Variants in USPL1 observed in about 807,000 individuals in gnomAD.
USPL1 encodes SUMO-specific isopeptidase USPL1.
In USPL1, 27 loss-of-function variants were observed where a neutral mutation model predicts 51.5. That is an observed-to-expected ratio of 0.52 (90% CI 0.39 to 0.72). The LOEUF (loss-of-function observed/expected upper bound fraction) is 0.72, where lower values mean the gene tolerates loss of function less well. USPL1 is among the 30% of genes least tolerant of loss of function. The pLI is 0.00. For synonymous variants in USPL1, 451 were observed against 459.6 expected, an observed-to-expected ratio of 0.98 and a Z score of 0.24; for missense variants, 1,226 against 1,268.0, an observed-to-expected ratio of 0.97 and a Z score of 0.50.
intron 3 of USPL1, 113 bp downstream of exon 3, chr13:30,622,005 A>G (rs1031128605): frequency 1.3e-5 from 9 of 695,376 alleles, no homozygotes; most frequent in African/African-American, 1.1e-4. Flanking sequence ...GATTTTTAAT[A>G]TGTAATCTCA....
intron 5 of USPL1, among the ~76,000 whole-genome samples, chr13:30,638,160 C>T (rs1381743220): frequency 6.6e-6 from 1 of 152,196 alleles, no homozygotes; most frequent in Non-Finnish European, 1.5e-5. Context: ...ACAGATCTAG[C>T]ATTTTTAACC....
In USPL1 at chr13:30,660,563, G is replaced by C. The variant is rs1346492525; in HGVS notation, c.*1207G>C. On this transcript the variant is annotated 3_prime_UTR_variant, in exon 9 of 9. Coordinates refer to ENST00000255304, the MANE Select transcript of USPL1 (RefSeq NM_005800.5). ...AGTTGTATACGGTATATGAATGTGT[G>C]ACAGTTTTCCTTATGGTTGTGTGGC... 6.6e-6 allele frequency: 1 copy of C among 152,214 alleles called. No homozygotes were observed. Among genetic ancestry groups the C allele is most frequent in the Admixed American group, 6.5e-5 (1 of 15,290 alleles). The allele number at this position is 152,214 out of a possible 1,614,324, so 9.4% of individuals were successfully genotyped here.
rs1234677450 is a variant in USPL1, at chr13:30,658,475, A to C, written c.2398A>C (p.Lys800Gln). 6.2e-7 allele frequency: 1 copy of C among 1,613,872 alleles called. No homozygotes were observed. The highest frequency in any genetic ancestry group is 2.2e-5 in the East Asian group (1 of 44,888). The change falls in exon 9 of 9, where the codon AAA becomes CAA. Residue 800 changes from lysine to glutamine, a missense_variant. By Grantham distance (53) the Lys-to-Gln change is moderately conservative (BLOSUM62 1). Coordinates refer to ENST00000255304, the MANE Select transcript of USPL1 (RefSeq NM_005800.5). ...AGGGGTAAATAATTTTGGTGGCTTT[A>C]AAACTAAAGGTATAAACCAGAAGGC... ...VKGVNNFGGF[K>Q]TKGINQKASH...
chr13:30,630,793 T>C (rs1950791546), intron 3 of USPL1, 42 bp from the exon 4 acceptor site: 1 of 1,519,310 alleles, frequency 6.6e-7, no homozygotes, highest in Non-Finnish European at 8.8e-7. Flanking sequence ...ATGAAGTTAT[T>C]TGAATTTGTG....
At chr13:30,628,419 G>A (rs1325825642) in intron 3 of USPL1, among the ~76,000 whole-genome samples, 2 of 151,930 alleles carry the variant, frequency 1.3e-5, no homozygotes, top group Non-Finnish European at 2.9e-5. Context: ...TTTAAGTTCT[G>A]GGATACATGT....
chr13:30,658,806 C>T lies in USPL1; in HGVS notation c.2729C>T (p.Pro910Leu), dbSNP rs200666771. Reference protein sequence around the residue: ...KKKLAALMSSPQSRTVRSENL... With the variant: ...KKKLAALMSSLQSRTVRSENL... ...AAATTAGCTGCTCTTATGTCTTCCC[C>T]GCAAAGCAGAACAGTTCGAAGTGAA... The change falls in exon 9 of 9, where the codon CCG (proline) becomes CTG (leucine). Residue 910 changes from proline (P) to leucine (L), a missense_variant. Pro to Leu is a moderately conservative substitution (Grantham distance 98, BLOSUM62 -3). Coordinates refer to ENST00000255304, the MANE Select transcript of USPL1 (RefSeq NM_005800.5). 6.4e-5 allele frequency: 103 copies of T among 1,613,796 alleles called. No homozygotes were observed. Among genetic ancestry groups the T allele is most frequent in the Middle Eastern group, 1.6e-4 (1 of 6,082 alleles).
chr13:30,659,176 T>G lies in USPL1; in HGVS notation c.3099T>G (p.Asn1033Lys). The G allele has an allele frequency of 1.2e-6, 2 of 1,613,856 alleles. No homozygotes were observed. The highest frequency in any genetic ancestry group is 1.7e-6 in the Non-Finnish European group (2 of 1,179,980). ...ATTATTGTAGCCCCACCAAGAAAAA[T>G]CCATGTGAAGTTCAGCCAGACTCTC... ...DHNYCSPTKK[N>K]PCEVQPDSLT... Residue 1033 changes from asparagine (N) to lysine (K), a missense_variant, in exon 9 of 9, where the codon AAT (asparagine) becomes AAG (lysine). Physicochemically the swap from Asn to Lys is moderately conservative, Grantham distance 94. Transcript: ENST00000255304.
chr13:30,618,232 G>A (rs1473343969), intron 1 of USPL1, among the ~76,000 whole-genome samples, 176 bp downstream of exon 1: 1 of 152,218 alleles, frequency 6.6e-6, no homozygotes, highest in Non-Finnish European at 1.5e-5. Flanking sequence ...CCGTTTGGGC[G>A]CAGAGAGGTG....
chr13:30,657,982 A>C lies in USPL1; in HGVS notation c.1905A>C (p.Ser635=), dbSNP rs1432346406. ...CACAAGAATCACTAATGGCTTCTTC[A>C]GTATCAGCTCCATGTAATGAAAAGC... The part of the protein sequence containing the change: ...LLSQESLMAS[S]VSAPCNEKLI... The change falls in exon 9 of 9, where the codon TCA becomes TCC. Residue 635 remains serine, a synonymous_variant. Transcript: ENST00000255304. 4 of 1,613,502 alleles carry C rather than the reference A, an allele frequency of 2.5e-6. No individual in the cohort carries two copies. Among genetic ancestry groups the C allele is most frequent in the African/African-American group, 1.3e-5 (1 of 74,954 alleles).
At chr13:30,628,043 ATTTTTTTTTTT>A (rs202119827) in intron 3 of USPL1, among the ~76,000 whole-genome samples, 2 of 127,012 alleles carry the variant, frequency 1.6e-5, no homozygotes, top group African/African-American at 2.9e-5. Flanking sequence ...TGCCTGGCTA[ATTTTTTTTTTT>A]TTTTTTTTTT....
intron 6 of USPL1, among the ~76,000 whole-genome samples, chr13:30,644,830 T>TGG (rs1950996945): frequency 6.6e-6 from 1 of 152,222 alleles, no homozygotes; most frequent in Non-Finnish European, 1.5e-5. Context: ...ACTTTTGTAA[T>TGG]AGTCCCCAAA....
chr13:30,643,265 A>G (rs1950972429), intron 6 of USPL1, among the ~76,000 whole-genome samples: 1 of 152,328 alleles, frequency 6.6e-6, no homozygotes, highest in Admixed American at 6.5e-5. Context: ...TAGAAAGGCC[A>G]TGATCGATGT....
intron 3 of USPL1, among the ~76,000 whole-genome samples, chr13:30,626,237 C>T (rs1950713755): frequency 6.6e-6 from 1 of 152,032 alleles, no homozygotes; most frequent in African/African-American, 2.4e-5. Context: ...TCGCTTGAAG[C>T]CAGTGGCAGA....
chr13:30,638,153 G>A (rs1201484449), intron 5 of USPL1, among the ~76,000 whole-genome samples: 3 of 152,202 alleles, frequency 2.0e-5, no homozygotes, highest in African/African-American at 7.2e-5. Context: ...CTAGTAGACA[G>A]ATCTAGCATT....
chr13:30,642,731 G>A lies in USPL1; in HGVS notation c.1086G>A (p.Ser362=), dbSNP rs759122826. 3.5e-5 allele frequency: 57 copies of A among 1,613,226 alleles called. No homozygotes were observed. Among genetic ancestry groups the A allele is most frequent in the Non-Finnish European group, 3.6e-5 (43 of 1,179,728 alleles). ...CTTTTTCTTGGGACTTTGAATGTTC[G>A]CAGTGTGGACACCAATATCAAAACA... ...LYSFSWDFEC[S]QCGHQYQNRH... The change falls in exon 6 of 9, where the codon TCG becomes TCA. Residue 362 remains serine, a synonymous_variant. Transcript: ENST00000255304.
intron 4 of USPL1, among the ~76,000 whole-genome samples, chr13:30,634,762 T>C (rs905794751): frequency 5.4e-4 from 82 of 152,200 alleles, no homozygotes; most frequent in African/African-American, 1.9e-3. Flanking sequence ...TACAAGATAA[T>C]GACAATTGTT....
intron 5 of USPL1, among the ~76,000 whole-genome samples, 165 bp from the exon 6 acceptor site, chr13:30,642,463 C>T (rs1005013667): frequency 1.3e-5 from 2 of 152,074 alleles, no homozygotes; most frequent in Admixed American, 6.5e-5. Context: ...TAGAAAAATG[C>T]TTTATAAACT....
chr13:30,648,537 C>G (rs149784545), intron 7 of USPL1, among the ~76,000 whole-genome samples: 7 of 152,258 alleles, frequency 4.6e-5, no homozygotes, highest in African/African-American at 1.7e-4. Flanking sequence ...TTTAGGGGTT[C>G]TCTGGGAAAA....
chr13:30,645,164 C>G (rs778801861), intron 6 of USPL1, among the ~76,000 whole-genome samples: 16 of 152,180 alleles, frequency 1.1e-4, no homozygotes, highest in Non-Finnish European at 2.1e-4. Context: ...TAATCACTAC[C>G]TGGGTTTTAA....
Sources: gnomAD v4.1 joint callset for allele counts (sites outside exome capture counted in the v4.1 genomes callset) on GRCh38, gnomAD v4.1.1 for gene constraint, MANE v1.5 for transcripts, NCBI Gene and HGNC (gene_info 2026-07-23, HGNC 2026-07-21) for gene names.